Variants in ZFYVE28 observed in about 807,000 individuals in gnomAD.
The protein encoded by ZFYVE28 is zinc finger FYVE-type containing 28, also known as lateral signaling target protein 2 homolog.
A neutral mutation model predicts 82.1 loss-of-function variants in ZFYVE28; 40 were observed. The observed-to-expected ratio is 0.49, with a 90% CI of 0.38 to 0.63. The LOEUF (loss-of-function observed/expected upper bound fraction) is 0.63, where lower values mean the gene tolerates loss of function less well. Ranked by LOEUF, ZFYVE28 falls within the 30% of genes least tolerant of loss-of-function variation. The pLI is 0.00. For synonymous variants in ZFYVE28, 612 were observed against 546.1 expected (o/e 1.12, Z -1.68); for missense variants, 1,321 against 1,242.1 (o/e 1.06, Z -0.96).
intron 1 of ZFYVE28, among the ~76,000 whole-genome samples, chr4:2,392,437 G>A (rs1462968658): frequency 1.3e-5 from 2 of 152,110 alleles, no homozygotes; most frequent in African/African-American, 2.4e-5. Context: ...ATTAATAGAT[G>A]GGACTCTCTA....
chr4:2,410,612 C>T (rs1047808644), intron 1 of ZFYVE28, among the ~76,000 whole-genome samples: 6 of 152,154 alleles, frequency 3.9e-5, no homozygotes, highest in African/African-American at 1.4e-4. Context: ...TCTCCTGCCT[C>T]AGCCTCCTGA....
intron 10 of ZFYVE28, among the ~76,000 whole-genome samples, chr4:2,272,059 C>T (rs1029895490): frequency 2.0e-5 from 3 of 152,258 alleles, no homozygotes; most frequent in Non-Finnish European, 2.9e-5. Flanking sequence ...CTGCATGGCA[C>T]GTGTGTGGCC....
intron 1 of ZFYVE28, among the ~76,000 whole-genome samples, chr4:2,357,931 G>A (rs895086987): frequency 5.9e-5 from 9 of 152,146 alleles, no homozygotes; most frequent in Admixed American, 2.0e-4. Context: ...CGGGCCCCTC[G>A]CTGCTTGGTA....
intron 1 of ZFYVE28, among the ~76,000 whole-genome samples, chr4:2,370,078 G>A (rs1366618582): frequency 6.6e-6 from 1 of 151,782 alleles, no homozygotes; most frequent in Non-Finnish European, 1.5e-5. Flanking sequence ...TTGATCTCCT[G>A]ATCTCGTGAT....
At chr4:2,370,788 C>A (rs935929941) in intron 1 of ZFYVE28, among the ~76,000 whole-genome samples, 1 of 152,230 alleles carries the variant, frequency 6.6e-6, no homozygotes, top group African/African-American at 2.4e-5. Flanking sequence ...CACACCACAT[C>A]CCTCGCCGGC....
chr4:2,361,876 GGCCGA>G (rs1215865677), intron 1 of ZFYVE28, among the ~76,000 whole-genome samples: 2 of 152,156 alleles, frequency 1.3e-5, no homozygotes, highest in Non-Finnish European at 2.9e-5. Flanking sequence ...TCACAGTCTT[GGCCGA>G]GCTGCGGCAG....
chr4:2,331,052 G>T (rs766007847), intron 6 of ZFYVE28: 39 of 1,480,314 alleles, frequency 2.6e-5, no homozygotes, highest in Middle Eastern at 3.8e-4. Flanking sequence ...GAGGGGGCTG[G>T]GGAGGAAGGC....
In ZFYVE28 at chr4:2,270,523, T is replaced by A; in HGVS notation, c.*202A>T. ...TCCCCTGCTGGGCAAAGCTGACCTC[T>A]TGTTGGCCCCTGCAGCCGGCCCGGG... On this transcript the variant is annotated 3_prime_UTR_variant, in exon 13 of 13. Transcript: ENST00000290974. 1.4e-6 allele frequency: 1 copy of A among 727,632 alleles called. No individual in the cohort carries two copies. The highest frequency in any genetic ancestry group is 1.9e-5 in the South Asian group (1 of 53,400). The allele number at this position is 727,632 out of a possible 1,614,324, so 45.1% of individuals were successfully genotyped here. A position where few individuals can be genotyped will look rare whatever the true frequency, so the allele number is the denominator to read the frequency against.
At position 2,270,929 on chromosome 4, in the gene ZFYVE28, A is replaced by G. The variant is rs1735851333; in HGVS notation, c.2533-73T>C. On this transcript the variant is annotated intron_variant, in intron 12 of 12. Transcript: ENST00000290974. ...CCACCCTGGCTCCTCGCCCTCCCAC[A>G]CACCTACCCACCCAGCTCAGGCCGC... The G allele has an allele frequency of 1.9e-6, 3 of 1,545,816 alleles. No homozygotes were observed. In the South Asian group the frequency reaches 3.6e-5, roughly 19 times the overall value.
Position 2,271,691 on chromosome 4 carries a change from G to A in ZFYVE28, c.2412C>T (p.Arg804=), listed in dbSNP as rs779376453. The A allele has an allele frequency of 1.2e-6, 2 of 1,613,744 alleles. No individual in the cohort carries two copies. Among genetic ancestry groups the A allele is most frequent in the African/African-American group, 2.7e-5 (2 of 74,938 alleles). ...CCCACACACCTTCAAAGTCCCCATC[G>A]CGGGTCTTGGCTGCCAGTTCAGAGG... is the stretch of plus-strand genomic sequence containing the variant. ...LSSSELAAKT[R]DGDFEDPPEW... The change falls in exon 11 of 13, where the codon CGC becomes CGT. Residue 804 remains arginine (R), a synonymous_variant. Transcript: ENST00000290974.
chr4:2,274,237 C>T (rs375342311), intron 8 of ZFYVE28, 21 bp from the exon 9 acceptor site: 31 of 1,605,898 alleles, frequency 1.9e-5, no homozygotes, highest in African/African-American at 1.2e-4. Context: ...AAGGAGATAC[C>T]GGTGTGTGGG....
intron 1 of ZFYVE28, among the ~76,000 whole-genome samples, chr4:2,379,156 G>T (rs1312213994): frequency 6.6e-6 from 1 of 152,222 alleles, no homozygotes; most frequent in Non-Finnish European, 1.5e-5. Flanking sequence ...CATGCTGGCA[G>T]CAGAACCCGT....
At chr4:2,348,943 G>A (rs888925364) in intron 2 of ZFYVE28, among the ~76,000 whole-genome samples, 3 of 152,160 alleles carry the variant, frequency 2.0e-5, no homozygotes, top group Admixed American at 2.0e-4. Context: ...GACACCAAGA[G>A]TTCCAGCTAC....
intron 11 of ZFYVE28, 41 bp downstream of exon 11, chr4:2,271,634 G>A: frequency 6.3e-7 from 1 of 1,590,486 alleles, no homozygotes; most frequent in Non-Finnish European, 8.6e-7. Flanking sequence ...AGCCCCCACT[G>A]GTGTCTAGTG....
At chr4:2,354,877 A>G (rs1488129296) in intron 1 of ZFYVE28, among the ~76,000 whole-genome samples, 4 of 152,058 alleles carry the variant, frequency 2.6e-5, no homozygotes, top group Non-Finnish European at 4.4e-5. Context: ...CCCATGATTC[A>G]GAAACAATTT....
chr4:2,347,772 A>C (rs1723803489), intron 2 of ZFYVE28, among the ~76,000 whole-genome samples: 1 of 152,234 alleles, frequency 6.6e-6, no homozygotes, highest in Admixed American at 6.5e-5. Context: ...TAAAGCAGCA[A>C]TTACAGAGAA....
Position 2,320,282 on chromosome 4 carries a change from GAC to G in ZFYVE28, c.702-13_702-12del. 6.2e-7 allele frequency: 1 copy of G among 1,613,244 alleles called. No homozygotes were observed. The highest frequency in any genetic ancestry group is 8.5e-7 in the Non-Finnish European group (1 of 1,179,482). ...TAGACCACGAGGCCACTGCATTTGA[GAC>G]ACAAAAGCCAGGATGTCAGGCCCTG... is the stretch of plus-strand genomic sequence containing the variant. On this transcript the variant is annotated splice_polypyrimidine_tract_variant and intron_variant, in intron 6 of 12. Coordinates refer to ENST00000290974, the MANE Select transcript of ZFYVE28 (RefSeq NM_020972.3). The surrounding 1 kb of genome is among the most constrained non-coding windows in gnomAD (Gnocchi z 5.1).
At chr4:2,387,017 C>T (rs1487200555) in intron 1 of ZFYVE28, among the ~76,000 whole-genome samples, 1 of 152,064 alleles carries the variant, frequency 6.6e-6, no homozygotes, top group African/African-American at 2.4e-5. Context: ...TCTCCGGACA[C>T]AGCCAGGGGG....
chr4:2,285,481 T>C (rs1304476634), intron 8 of ZFYVE28: 1 of 152,294 alleles, frequency 6.6e-6, no homozygotes, highest in Non-Finnish European at 1.5e-5. Context: ...GTAAGCTGAT[T>C]TCTTCTGAGC....
Sources: gnomAD v4.1 joint callset for allele counts (sites outside exome capture counted in the v4.1 genomes callset) on GRCh38, gnomAD v4.1.1 for gene constraint, Gnocchi (gnomAD v3.1) non-coding constraint, MANE v1.5 for transcripts, NCBI Gene and HGNC (gene_info 2026-07-23, HGNC 2026-07-21) for gene names.